Variants in CLCN1 observed in about 807,000 individuals in gnomAD.
CLCN1 encodes chloride channel protein 1.
Under a neutral mutation model 114.5 loss-of-function variants are expected in CLCN1, and 100 were observed. The ratio of observed to expected loss-of-function variants is 0.87; its 90% confidence interval spans 0.74 to 1.03. The LOEUF (loss-of-function observed/expected upper bound fraction) is 1.03. CLCN1 is among the 50% of genes least tolerant of loss of function. The pLI is 0.00. For missense variants in CLCN1, 1,188 were observed against 1,250.0 expected, an observed-to-expected ratio of 0.95 and a Z score of 0.75; for synonymous variants, 485 against 487.1, an observed-to-expected ratio of 1.00 and a Z score of 0.06.
rs1802540169 is a variant in CLCN1 at position 143,324,975 on chromosome 7, G to A, written c.853+483G>A. On this transcript the variant is annotated intron_variant, in intron 7 of 22. Transcript: ENST00000343257. This position sits in a 1 kb window ranked among gnomAD's most constrained non-coding sequence, Gnocchi z 4.6. Reference sequence around the variant, plus strand: ...TAGACCTTATTTAGATTAATGGTAAGCTTTTAGTGTGGAATAGTTAGGAGA... The same window carrying A: ...TAGACCTTATTTAGATTAATGGTAAACTTTTAGTGTGGAATAGTTAGGAGA... Among the ~76,000 whole-genome samples the A allele has an allele frequency of 6.6e-6, 1 of 152,210 alleles. No homozygotes were observed. The highest frequency in any genetic ancestry group is 6.5e-5 in the Admixed American group (1 of 15,278).
At chr7:143,325,297 C>G (rs1282616297) in intron 7 of CLCN1, among the ~76,000 whole-genome samples, 2 of 152,208 alleles carry the variant, frequency 1.3e-5, no homozygotes, top group Admixed American at 1.3e-4. Flanking sequence ...TTAAATGACC[C>G]ACTGTTAGAG....
chr7:143,342,290 GA>G, intron 15 of CLCN1, 81 bp from the exon 16 acceptor site: 1 of 1,568,758 alleles, frequency 6.4e-7, no homozygotes, highest in South Asian at 1.1e-5. Context: ...GTGAGTGACT[GA>G]AAGTATGGCA....
At chr7:143,319,371 G>C (rs951629787) in intron 1 of CLCN1, among the ~76,000 whole-genome samples, 5 of 152,204 alleles carry the variant, frequency 3.3e-5, no homozygotes, top group African/African-American at 1.2e-4. Context: ...CAAGTGGTCT[G>C]GGGAAATTGT....
chr7:143,334,198 G>T (rs1276084669), intron 12 of CLCN1, among the ~76,000 whole-genome samples: 3 of 150,072 alleles, frequency 2.0e-5, no homozygotes, highest in Non-Finnish European at 4.4e-5. Context: ...GGGCGACAAG[G>T]GCAACACTCC....
chr7:143,331,008 T>C (rs1174708949), intron 8 of CLCN1, 111 bp downstream of exon 8: 8 of 1,520,928 alleles, frequency 5.3e-6, no homozygotes, highest in Non-Finnish European at 7.3e-6. Context: ...GCGGCATCAT[T>C]TGTGGGGTGG....
Position 143,335,681 on chromosome 7 carries a change from T to A in CLCN1, c.1401+2808T>A, listed in dbSNP as rs1160667104. Among the ~76,000 whole-genome samples the A allele has an allele frequency of 4.9e-5, 7 of 142,776 alleles. No individual in the cohort carries two copies. The Admixed American group carries it at 4.9e-4, about 10-fold the overall frequency. 93.7% of individuals were successfully genotyped at this position (142,776 alleles called of 152,430 possible). ...GTTTTGTTTTTTTTTTTTTTTTGAT[T>A]CGGAATCTCACTCTGTAGCCCAGGC... is the stretch of plus-strand genomic sequence containing the variant. On this transcript the variant is annotated intron_variant, in intron 12 of 22. Coordinates refer to ENST00000343257, the MANE Select transcript of CLCN1 (RefSeq NM_000083.3).
rs534257718 is a variant in CLCN1 at position 143,337,553 on chromosome 7, C to T, written c.1402-1700C>T. On this transcript the variant is annotated intron_variant, in intron 12 of 22. Transcript: ENST00000343257. Reference sequence around the variant, plus strand: ...TCTGAAAATTAAGAAATATATTTCTCGTTAGCTTACAGTGCAATTGCGCAC... The same window carrying T: ...TCTGAAAATTAAGAAATATATTTCTTGTTAGCTTACAGTGCAATTGCGCAC... Among the ~76,000 whole-genome samples, 29 of 152,214 alleles carry T rather than the reference C, an allele frequency of 1.9e-4. 2 individuals are homozygous for T. In the South Asian group the frequency reaches 5.0e-3, roughly 26 times the overall value.
rs914258835 is a variant in CLCN1, at chr7:143,331,712, T to C, written c.1166+60T>C. On this transcript the variant is annotated intron_variant, in intron 10 of 22. Transcript: ENST00000343257. ...ACTTTCTGGTTTCTCCAAGAGTTCC[T>C]CCCTTTTTGTCTTTGGGGAAGGCAT... 7.5e-6 allele frequency: 9 copies of C among 1,207,552 alleles called. No individual in the cohort carries two copies. In the Admixed American group the frequency reaches 1.5e-4, roughly 20 times the overall value. The allele number at this position is 1,207,552 out of a possible 1,614,324, so 74.8% of individuals were successfully genotyped here.
At chr7:143,325,586 G>A (rs1320198965) in intron 7 of CLCN1, among the ~76,000 whole-genome samples, 2 of 152,196 alleles carry the variant, frequency 1.3e-5, no homozygotes, top group Non-Finnish European at 2.9e-5. Context: ...TTTTGCACAT[G>A]TTAAACGTTC....
chr7:143,343,742 CTT>C (rs919609291), intron 16 of CLCN1, among the ~76,000 whole-genome samples: 2 of 151,092 alleles, frequency 1.3e-5, no homozygotes, highest in Admixed American at 1.3e-4. Context: ...CTTTTTCTTT[CTT>C]TCTCTTTCTC....
At chr7:143,346,094 A>C (rs746845233) in intron 17 of CLCN1, 46 bp from the exon 18 acceptor site, 2 of 1,246,804 alleles carry the variant, frequency 1.6e-6, no homozygotes, top group East Asian at 4.6e-5. Flanking sequence ...GTGAAGGCCC[A>C]GGCAGTCTCT....
At chr7:143,335,661 G>GTTTTTTTTT (rs367713664) in intron 12 of CLCN1, among the ~76,000 whole-genome samples, 1 of 135,290 alleles carries the variant, frequency 7.4e-6, no homozygotes. Flanking sequence ...CAGCTGTTTT[G>GTTTTTTTTT]TTTTTTTTTT....
intron 14 of CLCN1, among the ~76,000 whole-genome samples, chr7:143,341,110 T>C (rs1803064000): frequency 6.6e-6 from 1 of 152,162 alleles, no homozygotes; most frequent in Non-Finnish European, 1.5e-5. Flanking sequence ...ACTCATTCCA[T>C]TGAGAAATAG....
In CLCN1 at chr7:143,322,616, AG is replaced by A. The variant is rs372402510; in HGVS notation, c.697-691del. On this transcript the variant is annotated intron_variant, in intron 5 of 22. Transcript: ENST00000343257. ...TGGCTCACTGCAACCTCCACCTCCC[AG>A]GTTCAAGCGATTCTCCCACCTCAGC... is the stretch of plus-strand genomic sequence containing the variant. Among the ~76,000 whole-genome samples the A allele has an allele frequency of 2.7e-3, 405 of 152,310 alleles. 2 individuals carry two copies. The highest frequency in any genetic ancestry group is 9.4e-3 in the African/African-American group (389 of 41,572).
intron 19 of CLCN1, 44 bp downstream of exon 19, chr7:143,346,702 C>T: frequency 6.6e-7 from 1 of 1,519,236 alleles, no homozygotes; most frequent in Non-Finnish European, 9.1e-7. Context: ...AGGGAGCCTG[C>T]CCTTGAAGAG....
intron 22 of CLCN1, 111 bp from the exon 23 acceptor site, chr7:143,351,483 C>T (rs1418960183): frequency 8.3e-7 from 1 of 1,205,538 alleles, no homozygotes; most frequent in Admixed American, 2.0e-5. Context: ...CTATATCTTT[C>T]CTGTTCTTTT....
chr7:143,319,971 G>A, intron 2 of CLCN1, 96 bp downstream of exon 2: 4 of 1,314,996 alleles, frequency 3.0e-6, no homozygotes, highest in Non-Finnish European at 4.4e-6. Flanking sequence ...CGTACTCCCT[G>A]CCCTGCTACA....
chr7:143,350,280 A>G lies in CLCN1; in HGVS notation c.2404-92A>G. On this transcript the variant is annotated intron_variant, in intron 20 of 22. Transcript: ENST00000343257. This position sits in a 1 kb window ranked among gnomAD's most constrained non-coding sequence, Gnocchi z 5.1. The stretch of plus-strand genomic sequence containing the variant: ...TCTTGCATGTTCCCAGATTCTGGGC[A>G]GCGGCTAGGAGGGCCGTTTGGGGTC... 2 of 892,152 alleles carry G rather than the reference A, an allele frequency of 2.2e-6. No individual in the cohort carries two copies. Among genetic ancestry groups the G allele is most frequent in the South Asian group, 2.8e-5 (2 of 71,488 alleles). 55.3% of individuals were successfully genotyped at this position (892,152 alleles called of 1,614,324 possible).
intron 11 of CLCN1, 74 bp from the exon 12 acceptor site, chr7:143,332,650 G>T (rs1170734092): frequency 1.3e-6 from 2 of 1,581,390 alleles, no homozygotes; most frequent in African/African-American, 2.7e-5. Context: ...ATGAGGCTGG[G>T]GAATAAGTTC....
Sources: allele counts gnomAD v4.1 joint callset (sites outside exome capture counted in the v4.1 genomes callset), GRCh38; gene constraint gnomAD v4.1.1; non-coding constraint Gnocchi (gnomAD v3.1); transcripts MANE v1.5; gene names NCBI Gene and HGNC (gene_info 2026-07-23, HGNC 2026-07-21).